The following ESYT3 variants were observed in gnomAD, a reference collection of about 807,000 sequenced individuals.
ESYT3 encodes the protein extended synaptotagmin-3.
A neutral mutation model predicts 111.5 loss-of-function variants in ESYT3; 101 were observed. The ratio of observed to expected loss-of-function variants is 0.91; its 90% CI spans 0.77 to 1.07. The LOEUF (loss-of-function observed/expected upper bound fraction) is 1.07. Among genes scored for constraint, ESYT3 ranks in the 50% least tolerant of loss-of-function variants. The pLI, the probability that ESYT3 is intolerant of heterozygous loss-of-function variation, is 0.00. For missense variants in ESYT3, 1,097 were observed against 1,109.4 expected (o/e 0.99, Z 0.16); for synonymous variants, 416 against 446.8 (o/e 0.93, Z 0.87).
intron 8 of ESYT3, among the ~76,000 whole-genome samples, chr3:138,463,868 G>T (rs772798531): frequency 7.2e-5 from 11 of 152,044 alleles, no homozygotes; most frequent in Non-Finnish European, 8.8e-5. Flanking sequence ...TCCAGAATGT[G>T]GTGGGGATGA....
In ESYT3 at chr3:138,479,314, A is replaced by T. The variant is rs1424553883; in HGVS notation, c.*2460A>T. On this transcript the variant is annotated 3_prime_UTR_variant, in exon 23 of 23. Coordinates refer to ENST00000389567, the MANE Select transcript of ESYT3 (RefSeq NM_031913.5). ...CAAAGATTTTTGCAAGGGTTCAGAA[A>T]CATAGTAGAACTAAAATGTTAGTAC... The T allele has an allele frequency of 6.6e-6, 1 of 152,244 alleles. No homozygotes were observed. Among genetic ancestry groups the T allele is most frequent in the Non-Finnish European group, 1.5e-5 (1 of 68,056 alleles). 9.4% of individuals were successfully genotyped at this position (152,244 alleles called of 1,614,324 possible). A position where few individuals can be genotyped will look rare whatever the true frequency, so the allele number is the denominator to read the frequency against.
chr3:138,469,402 C>A, intron 14 of ESYT3, 34 bp from the exon 15 acceptor site: 1 of 1,585,488 alleles, frequency 6.3e-7, no homozygotes, highest in Non-Finnish European at 8.7e-7. Context: ...ATTGACTATG[C>A]CACCTTCACT....
At chr3:138,474,199 A>C (rs374127278) in intron 19 of ESYT3, 22 bp from the exon 20 acceptor site, 1 of 1,589,156 alleles carries the variant, frequency 6.3e-7, no homozygotes, top group Non-Finnish European at 8.5e-7. Context: ...TTTTTTTCCT[A>C]ATGTCTTTGA....
intron 7 of ESYT3, 101 bp from the exon 8 acceptor site, chr3:138,461,985 C>A: frequency 6.4e-7 from 1 of 1,566,482 alleles, no homozygotes; most frequent in Non-Finnish European, 8.7e-7. Context: ...GTGGGGCCCA[C>A]CCTACCAATC....
intron 1 of ESYT3, among the ~76,000 whole-genome samples, chr3:138,437,216 A>G (rs1048010752): frequency 2.0e-5 from 3 of 152,260 alleles, no homozygotes; most frequent in Admixed American, 2.0e-4. Context: ...GCCATTGAGG[A>G]GAATTGGAGC....
rs757086552 is a variant in ESYT3, at chr3:138,434,829, GC to G, written c.36del (p.Ser13AlafsTer39). MRAEEPCAPG[A>X]PSALGAQRTP... ...AGCAGAGGAGCCCTGCGCCCCCGGG[GC>G]CCCCAGCGCCCTGGGAGCCCAGCGC... On this transcript the variant is annotated frameshift_variant, in exon 1 of 23. Transcript: ENST00000389567. LOFTEE classifies it high-confidence loss of function. The G allele has an allele frequency of 6.4e-6, 10 of 1,555,252 alleles. No individual in the cohort carries two copies. The South Asian group carries it at 1.1e-4, about 17-fold the overall frequency.
chr3:138,469,507 A>T lies in ESYT3; in HGVS notation c.1503+3A>T. The stretch of plus-strand genomic sequence containing the variant: ...GCAAGAAGACACATACAAGTAAGGT[A>T]AGACAGCTTGGTGTGTAGCCCTGGG... On this transcript the variant is annotated splice_donor_region_variant and intron_variant, in intron 15 of 22. Transcript: ENST00000389567. 1 of 1,613,672 alleles carries T rather than the reference A, an allele frequency of 6.2e-7. No individual in the cohort carries two copies. The highest frequency in any genetic ancestry group is 1.1e-5 in the South Asian group (1 of 91,060).
intron 10 of ESYT3, 46 bp from the exon 11 acceptor site, chr3:138,467,514 CT>C: frequency 6.2e-7 from 1 of 1,601,898 alleles, no homozygotes; most frequent in Admixed American, 1.7e-5. Flanking sequence ...CCCTCTGCTG[CT>C]TTCTTCCTCT....
intron 20 of ESYT3, 63 bp downstream of exon 20, chr3:138,474,415 T>TA: frequency 6.6e-7 from 1 of 1,515,094 alleles, no homozygotes; most frequent in East Asian, 2.3e-5. Context: ...AAGTACCTGT[T>TA]ATGTTGCCTG....
At chr3:138,472,942 C>A (rs2033306551) in intron 18 of ESYT3, 83 bp downstream of exon 18, 1 of 1,523,192 alleles carries the variant, frequency 6.6e-7, no homozygotes, top group African/African-American at 1.4e-5. Context: ...TATGAACTTA[C>A]ATTTCTGTGC....
At chr3:138,444,366 G>A (rs2031384206) in intron 1 of ESYT3, among the ~76,000 whole-genome samples, 1 of 152,188 alleles carries the variant, frequency 6.6e-6, no homozygotes, top group Non-Finnish European at 1.5e-5. Flanking sequence ...ACTTGACCAT[G>A]TGTCTGGGCA....
At chr3:138,449,343 C>T (rs994367159) in intron 1 of ESYT3, among the ~76,000 whole-genome samples, 1 of 152,058 alleles carries the variant, frequency 6.6e-6, no homozygotes, top group African/African-American at 2.4e-5. Context: ...GCCTCGGCCT[C>T]CCAAAGCGCT....
At chr3:138,468,328 G>A (rs1364435720) in intron 12 of ESYT3, 134 bp downstream of exon 12, 14 of 802,830 alleles carry the variant, frequency 1.7e-5, no homozygotes, top group African/African-American at 1.0e-4. Flanking sequence ...CACTCAGCCC[G>A]TCTCCACACA....
downstream of ESYT3, chr3:138,480,705 A>T (rs1051561388): frequency 8.2e-4 from 124 of 152,112 alleles, 1 homozygote; most frequent in African/African-American, 2.9e-3. Context: ...AAAACCCAAC[A>T]AATGCCATTT....
In ESYT3 at chr3:138,435,139, G is replaced by T. The variant is rs1318729092; in HGVS notation, c.327+14G>T. 3 of 1,557,032 alleles carry T rather than the reference G, an allele frequency of 1.9e-6. No homozygotes were observed. In the South Asian group the frequency reaches 3.6e-5, roughly 19 times the overall value. On this transcript the variant is annotated intron_variant, in intron 1 of 22. Coordinates refer to ENST00000389567, the MANE Select transcript of ESYT3 (RefSeq NM_031913.5). The surrounding 1 kb of genome is among the most constrained non-coding windows in gnomAD (Gnocchi z 4.8). ...CTGCCAGCCTGGGTGAGCCAAGCCG[G>T]GTGGGAGTGGGAGGTGGGGAGATGC... is the stretch of plus-strand genomic sequence containing the variant.
chr3:138,456,803 G>A (rs1030429221), intron 3 of ESYT3, among the ~76,000 whole-genome samples: 2 of 152,182 alleles, frequency 1.3e-5, no homozygotes, highest in Admixed American at 6.5e-5. Context: ...GGTCCCTGGT[G>A]GCAAAAAGAT....
In ESYT3 at chr3:138,434,893, T is replaced by C. The variant is rs1354183799; in HGVS notation, c.95T>C (p.Leu32Pro). The C allele has an allele frequency of 1.3e-6, 2 of 1,550,888 alleles. No individual in the cohort carries two copies. The highest frequency in any genetic ancestry group is 2.4e-5 in the East Asian group (1 of 40,948). ...GAGCTGCGCCTGTCCAGCCAGCTGC[T>C]GCCCGAGCTCTGTACCTTCGTGGTG... ...GPELRLSSQL[L>P]PELCTFVVRV... Residue 32 changes from leucine to proline, a missense_variant, in exon 1 of 23, where the codon CTG (leucine) becomes CCG (proline). Leu to Pro is a moderately conservative substitution (Grantham distance 98). Transcript: ENST00000389567.
intron 10 of ESYT3, among the ~76,000 whole-genome samples, chr3:138,466,518 G>C (rs2032936353): frequency 6.6e-6 from 1 of 152,152 alleles, no homozygotes; most frequent in South Asian, 2.1e-4. Context: ...TGTGGCTTGT[G>C]GGTCATGCTT....
chr3:138,460,590 A>G (rs1419605760), intron 6 of ESYT3, 21 bp from the exon 7 acceptor site: 2 of 1,613,744 alleles, frequency 1.2e-6, no homozygotes, highest in Admixed American at 1.7e-5. Context: ...CCAGCCTAAT[A>G]GCTTCCCTCT....
Sources: gnomAD v4.1 joint callset for allele counts (sites outside exome capture counted in the v4.1 genomes callset) on GRCh38, gnomAD v4.1.1 for gene constraint, Gnocchi (gnomAD v3.1) non-coding constraint, MANE v1.5 for transcripts, NCBI Gene and HGNC (gene_info 2026-07-23, HGNC 2026-07-21) for gene names.